PRLHR: variants seen among roughly 807,000 people sequenced by gnomAD.
The protein encoded by PRLHR is prolactin releasing hormone receptor.
PRLHR carries 10 observed loss-of-function variants against 9.3 expected under a neutral mutation model. That is an observed-to-expected ratio of 1.08 (90% CI 0.66 to 1.82). The LOEUF is 1.82. PRLHR is among the 40% of genes most tolerant of loss of function. The probability of loss-of-function intolerance (pLI) is 0.00; values close to 1 mark genes in which losing one functional copy is unlikely to be tolerated. For synonymous variants in PRLHR, 261 were observed against 249.3 expected (o/e 1.05, Z -0.44); for missense variants, 589 against 512.0 (o/e 1.15, Z -1.45).
Position 118,592,115 on chromosome 10 carries a change from C to A in PRLHR, c.*2017G>T, listed in dbSNP as rs1356949276. On this transcript the variant is annotated 3_prime_UTR_variant, in exon 2 of 2. Transcript: ENST00000239032. Reference sequence around the variant, plus strand: ...ATCAACTAGACTCTTGGGAGGAGAGCCCAGACATCAATTACAAAAAGAAAA... The same window carrying A: ...ATCAACTAGACTCTTGGGAGGAGAGACCAGACATCAATTACAAAAAGAAAA... The A allele has an allele frequency of 3.3e-5, 5 of 151,782 alleles. No individual in the cohort carries two copies. The highest frequency in any genetic ancestry group is 1.2e-4 in the African/African-American group (5 of 41,276). 9.4% of individuals were successfully genotyped at this position (151,782 alleles called of 1,614,324 possible).
rs755715778 is a variant in PRLHR at position 118,594,309 on chromosome 10, G to A, written c.936C>T (p.Ala312=). The change falls in exon 2 of 2, where the codon GCC becomes GCT. Residue 312 remains alanine (A), a synonymous_variant. Transcript: ENST00000239032. The stretch of plus-strand genomic sequence containing the variant: ...GGCAGAGCAGCTGCACCAGCCCAAA[G>A]GCGTAAGGGTCGATGGCGTGGGGGT... ...DLDPHAIDPY[A]FGLVQLLCHW... is the part of the protein sequence containing the mutation. 5.0e-6 allele frequency: 8 copies of A among 1,603,096 alleles called. No individual in the cohort carries two copies. The highest frequency in any genetic ancestry group is 1.3e-5 in the African/African-American group (1 of 74,874).
In PRLHR at chr10:118,590,150, G is replaced by T. The variant is rs575017370; in HGVS notation, c.*3982C>A. 6.6e-6 allele frequency: 1 copy of T among 152,318 alleles called. No homozygotes were observed. The highest frequency in any genetic ancestry group is 1.5e-5 in the Non-Finnish European group (1 of 68,032). 9.4% of individuals were successfully genotyped at this position (152,318 alleles called of 1,614,324 possible). On this transcript the variant is annotated 3_prime_UTR_variant, in exon 2 of 2. Coordinates refer to ENST00000239032, the MANE Select transcript of PRLHR (RefSeq NM_004248.3). ...GGTAAATCAATCAAGAACCTGCCTT[G>T]GGAAACAAAGGTGCTCCTGACCTCT...
At position 118,590,057 on chromosome 10, in the gene PRLHR, G is replaced by A. The variant is rs1459054994; in HGVS notation, c.*4075C>T. 6.6e-6 allele frequency: 1 copy of A among 152,182 alleles called. No individual in the cohort carries two copies. The highest frequency in any genetic ancestry group is 2.4e-5 in the African/African-American group (1 of 41,438). 9.4% of individuals were successfully genotyped at this position (152,182 alleles called of 1,614,324 possible). A position where few individuals can be genotyped will look rare whatever the true frequency, so the allele number is the denominator to read the frequency against. On this transcript the variant is annotated 3_prime_UTR_variant, in exon 2 of 2. Transcript: ENST00000239032. ...CCAAACACAGTATAAACCCCAGCAT[G>A]TAGAGCTTCACATGTGATTCAGCAA... is the stretch of plus-strand genomic sequence containing the variant.
At chr10:118,595,374 G>A (rs1844486524) in intron 1 of PRLHR, 124 bp from the exon 2 acceptor site, 2 of 837,546 alleles carry the variant, frequency 2.4e-6, no homozygotes, top group South Asian at 2.1e-5. Flanking sequence ...CAGAACAACA[G>A]CAAAAGTAGC....
chr10:118,594,984 C>A lies in PRLHR; in HGVS notation c.261G>T (p.Arg87=). 6.2e-7 allele frequency: 1 copy of A among 1,613,538 alleles called. No individual in the cohort carries two copies. Among genetic ancestry groups the A allele is most frequent in the Non-Finnish European group, 8.5e-7 (1 of 1,179,822 alleles). ...TCGTCACGTTGTGCAGCCGGCGCAC[C>A]CGCGCGATCACCAGCACCAGCAGGC... ...GNCLLVLVIA[R]VRRLHNVTNF... is the part of the protein sequence containing the mutation. Residue 87 remains arginine (R), a synonymous_variant, in exon 2 of 2, where the codon CGG becomes CGT. Coordinates refer to ENST00000239032, the MANE Select transcript of PRLHR (RefSeq NM_004248.3).
Position 118,593,705 on chromosome 10 carries a change from T to C in PRLHR, c.*427A>G, listed in dbSNP as rs1358976164. On this transcript the variant is annotated 3_prime_UTR_variant, in exon 2 of 2. Coordinates refer to ENST00000239032, the MANE Select transcript of PRLHR (RefSeq NM_004248.3). ...GGTACTCTCAGCTGGGTCCTTTTTC[T>C]AAAGGCAAACTGAAAATCTTTACCA... The C allele has an allele frequency of 6.5e-6, 1 of 154,016 alleles. No individual in the cohort carries two copies. Among genetic ancestry groups the C allele is most frequent in the Non-Finnish European group, 1.4e-5 (1 of 69,368 alleles). The allele number at this position is 154,016 out of a possible 1,614,324, so 9.5% of individuals were successfully genotyped here.
In PRLHR at chr10:118,590,832, T is replaced by C. The variant is rs760597786; in HGVS notation, c.*3300A>G. 1.2e-4 allele frequency: 19 copies of C among 152,264 alleles called. No homozygotes were observed. Among genetic ancestry groups the C allele is most frequent in the Non-Finnish European group, 2.5e-4 (17 of 68,048 alleles). 9.4% of individuals were successfully genotyped at this position (152,264 alleles called of 1,614,324 possible). A position where few individuals can be genotyped will look rare whatever the true frequency, so the allele number is the denominator to read the frequency against. On this transcript the variant is annotated 3_prime_UTR_variant, in exon 2 of 2. Coordinates refer to ENST00000239032, the MANE Select transcript of PRLHR (RefSeq NM_004248.3). ...TAAGAATTAATTGCTGTTCCGTTGCTGATTTTCATAATATGTAAAGATGTT... is the reference window on the plus strand; with the variant it reads ...TAAGAATTAATTGCTGTTCCGTTGCCGATTTTCATAATATGTAAAGATGTT...
In PRLHR at chr10:118,594,717, G is replaced by T. The variant is rs368733849; in HGVS notation, c.528C>A (p.Ser176Arg). The T allele has an allele frequency of 1.2e-6, 2 of 1,601,804 alleles. No homozygotes were observed. Among genetic ancestry groups the T allele is most frequent in the Middle Eastern group, 3.3e-4 (2 of 6,042 alleles). ...CCCAGATGGCCAGCACAGCGTAGGCGCTGAGGCGCAGCGAGATGCGCCGCC... is the reference window on the plus strand; with the variant it reads ...CCCAGATGGCCAGCACAGCGTAGGCTCTGAGGCGCAGCGAGATGCGCCGCC... ...PLRRRISLRL[S>R]AYAVLAIWAL... is the part of the protein sequence containing the mutation. Residue 176 changes from serine (S) to arginine (R), a missense_variant, in exon 2 of 2, where the codon AGC (serine) becomes AGA (arginine). Physicochemically the swap from Ser to Arg is moderately radical, Grantham distance 110 (BLOSUM62 -1). Transcript: ENST00000239032.
Position 118,594,196 on chromosome 10 carries a change from A to G in PRLHR, c.1049T>C (p.Leu350Ser). 3 of 1,569,708 alleles carry G rather than the reference A, an allele frequency of 1.9e-6. No individual in the cohort carries two copies. Among genetic ancestry groups the G allele is most frequent in the Non-Finnish European group, 1.7e-6 (2 of 1,157,318 alleles). The change falls in exon 2 of 2, where the codon TTG becomes TCG. Residue 350 changes from leucine to serine, a missense_variant. Transcript: ENST00000239032. ...GGCTATCTTGCGGGGCCAAGCGACC[A>G]ACAGTTTGCGCAGCTCCTCGCGGAA... ...DSFREELRKL[L>S]VAWPRKIAPH...
rs1844465860 is a variant in PRLHR, at chr10:118,594,479, C to G, written c.766G>C (p.Val256Leu). Residue 256 changes from valine to leucine, a missense_variant, in exon 2 of 2, where the codon GTG becomes CTG. Coordinates refer to ENST00000239032, the MANE Select transcript of PRLHR (RefSeq NM_004248.3). ...VRVSVKLRNR[V>L]VPGCVTQSQA... ...CTCTGGGTCACGCAGCCCGGCACCA[C>G]GCGGTTGCGGAGCTTCACTGACACC... 6.2e-7 allele frequency: 1 copy of G among 1,601,292 alleles called. No homozygotes were observed. The highest frequency in any genetic ancestry group is 1.7e-5 in the Admixed American group (1 of 59,458).
Position 118,594,011 on chromosome 10 carries a change from T to G in PRLHR, c.*121A>C. On this transcript the variant is annotated 3_prime_UTR_variant, in exon 2 of 2. Transcript: ENST00000239032. ...CCGGACAAGAGGGCTGGGCTGGAAATGTTGCCCTATGTTGGCTTAGCTAGC... is the reference window on the plus strand; with the variant it reads ...CCGGACAAGAGGGCTGGGCTGGAAAGGTTGCCCTATGTTGGCTTAGCTAGC... 1 of 1,390,678 alleles carries G rather than the reference T, an allele frequency of 7.2e-7. No individual in the cohort carries two copies. The highest frequency in any genetic ancestry group is 9.4e-7 in the Non-Finnish European group (1 of 1,060,102). 86.1% of individuals were successfully genotyped at this position (1,390,678 alleles called of 1,614,324 possible).
rs1264524457 is a variant in PRLHR, at chr10:118,594,005, T to C, written c.*127A>G. On this transcript the variant is annotated 3_prime_UTR_variant, in exon 2 of 2. Coordinates refer to ENST00000239032, the MANE Select transcript of PRLHR (RefSeq NM_004248.3). Reference sequence around the variant, plus strand: ...AGACAGCCGGACAAGAGGGCTGGGCTGGAAATGTTGCCCTATGTTGGCTTA... The same window carrying C: ...AGACAGCCGGACAAGAGGGCTGGGCCGGAAATGTTGCCCTATGTTGGCTTA... 6 of 1,377,174 alleles carry C rather than the reference T, an allele frequency of 4.4e-6. No homozygotes were observed. Among genetic ancestry groups the C allele is most frequent in the Non-Finnish European group, 5.7e-6 (6 of 1,050,268 alleles). The allele number at this position is 1,377,174 out of a possible 1,614,324, so 85.3% of individuals were successfully genotyped here.
rs1166762875 is a variant in PRLHR at position 118,595,217 on chromosome 10, T to G, written c.28A>C (p.Arg10=). 1 of 1,546,548 alleles carries G rather than the reference T, an allele frequency of 6.5e-7. No homozygotes were observed. Among genetic ancestry groups the G allele is most frequent in the Non-Finnish European group, 8.7e-7 (1 of 1,151,768 alleles). MASSTTRGP[R]VSDLFSGLPP... The stretch of plus-strand genomic sequence containing the variant: ...AGCCCAGAAAATAAGTCAGAAACCC[T>G]GGGGCCCCGAGTGGTCGATGAGGCC... The change falls in exon 2 of 2, where the codon AGG becomes CGG. Residue 10 remains arginine, a synonymous_variant. Transcript: ENST00000239032.
Position 118,594,074 on chromosome 10 carries a change from G to A in PRLHR, c.*58C>T, listed in dbSNP as rs988593069. ...AATAAGCACCAGATTGACCTCGAGT[G>A]GTGCCCTAGGAGGCCAGTTGAAGTG... On this transcript the variant is annotated 3_prime_UTR_variant, in exon 2 of 2. Transcript: ENST00000239032. 15 of 1,502,634 alleles carry A rather than the reference G, an allele frequency of 1.0e-5. No homozygotes were observed. The highest frequency in any genetic ancestry group is 3.6e-6 in the Non-Finnish European group (4 of 1,125,386). 93.1% of individuals were successfully genotyped at this position (1,502,634 alleles called of 1,614,324 possible).
In PRLHR at chr10:118,593,247, A is replaced by G. The variant is rs1447795078; in HGVS notation, c.*885T>C. On this transcript the variant is annotated 3_prime_UTR_variant, in exon 2 of 2. Coordinates refer to ENST00000239032, the MANE Select transcript of PRLHR (RefSeq NM_004248.3). ...ACTGCAGGAGAATGCCACGCTACAC[A>G]GTTTACATTGAGTATTCAGAAAACC... 1 of 152,272 alleles carries G rather than the reference A, an allele frequency of 6.6e-6. No individual in the cohort carries two copies. Among genetic ancestry groups the G allele is most frequent in the African/African-American group, 2.4e-5 (1 of 41,464 alleles). 9.4% of individuals were successfully genotyped at this position (152,272 alleles called of 1,614,324 possible).
chr10:118,595,332 C>G, intron 1 of PRLHR, 82 bp from the exon 2 acceptor site: 2 of 1,290,972 alleles, frequency 1.5e-6, no homozygotes, highest in Non-Finnish European at 2.1e-6. Context: ...CCTCCCCCAT[C>G]GCCTGAGTCC....
At position 118,594,568 on chromosome 10, in the gene PRLHR, G is replaced by A. The variant is rs1172975743; in HGVS notation, c.677C>T (p.Ala226Val). 6.4e-7 allele frequency: 1 copy of A among 1,560,096 alleles called. No individual in the cohort carries two copies. The change falls in exon 2 of 2, where the codon GCC becomes GTC. Residue 226 changes from alanine (A) to valine (V), a missense_variant. Coordinates refer to ENST00000239032, the MANE Select transcript of PRLHR (RefSeq NM_004248.3). ...GTAGGTGACCAGCAGCAGCCCCCAG[G>A]CGTAGAGCTGGCGCTGGCGCTCCTG... is the stretch of plus-strand genomic sequence containing the variant. ...GSQERQRQLY[A>V]WGLLLVTYLL...
At chr10:118,595,271 T>C (rs754204628) in intron 1 of PRLHR, 21 bp from the exon 2 acceptor site, 91 of 1,492,754 alleles carry the variant, frequency 6.1e-5, no homozygotes, top group Non-Finnish European at 7.7e-5. Context: ...GTAATCAAAG[T>C]CCGTCACTTC....
In PRLHR at chr10:118,594,398, T is replaced by A. The variant is rs1613448; in HGVS notation, c.847A>T (p.Ile283Phe). 6.3e-7 allele frequency: 1 copy of A among 1,599,946 alleles called. No individual in the cohort carries two copies. The highest frequency in any genetic ancestry group is 8.5e-7 in the Non-Finnish European group (1 of 1,179,736). Residue 283 changes from isoleucine to phenylalanine, a missense_variant, in exon 2 of 2, where the codon ATC (isoleucine) becomes TTC (phenylalanine). Coordinates refer to ENST00000239032, the MANE Select transcript of PRLHR (RefSeq NM_004248.3). ...RRRTFCLLVV[I>F]VVVFAVCWLP... is the part of the protein sequence containing the mutation. ...CAGCAGACGGCGAACACCACCACGATCACCACCAGCAAGCAGAAGGTGCGC... is the reference window on the plus strand; with the variant it reads ...CAGCAGACGGCGAACACCACCACGAACACCACCAGCAAGCAGAAGGTGCGC...
Sources: gnomAD v4.1 joint callset for allele counts on GRCh38, gnomAD v4.1.1 for gene constraint, MANE v1.5 for transcripts, NCBI Gene and HGNC (gene_info 2026-07-23, HGNC 2026-07-21) for gene names.